SEMA3A: variants seen among roughly 807,000 people sequenced by gnomAD.
SEMA3A encodes the protein semaphorin 3A.
In SEMA3A, 29 loss-of-function variants were observed where a neutral mutation model predicts 97.9. The observed-to-expected ratio is 0.30, with a 90% CI of 0.22 to 0.40. The LOEUF (loss-of-function observed/expected upper bound fraction) is 0.40, where lower values mean the gene tolerates loss of function less well. Among genes scored for constraint, SEMA3A ranks in the 10% least tolerant of loss-of-function variants. The pLI is 1.00. For missense variants in SEMA3A, 763 were observed against 951.3 expected, an observed-to-expected ratio of 0.80 and a Z score of 2.60; for synonymous variants, 321 against 323.7, an observed-to-expected ratio of 0.99 and a Z score of 0.09.
rs181949301 is a variant in SEMA3A at position 84,391,099 on chromosome 7, A to G, written c.-245-19199T>C. ...GTTTGTTTGCGAAGTTGAAGCTTGT[A>G]TAAATGCTGGCATGGAAACATCAGC... is the stretch of plus-strand genomic sequence containing the variant. On this transcript the variant is annotated intron_variant, in intron 1 of 3. Transcript: ENST00000424555. Among the ~76,000 whole-genome samples, 139 of 152,312 alleles carry G rather than the reference A, an allele frequency of 9.1e-4. 1 individual carries two copies. Among genetic ancestry groups the G allele is most frequent in the African/African-American group, 3.0e-3 (126 of 41,584 alleles).
intron 15 of SEMA3A, among the ~76,000 whole-genome samples, chr7:83,969,638 TAG>T (rs1208767509): frequency 6.6e-6 from 1 of 152,132 alleles, no homozygotes; most frequent in Non-Finnish European, 1.5e-5. Context: ...AAAAAGAAAA[TAG>T]AGTTTATAAC....
At chr7:84,117,181 A>ATG (rs2115968630) in intron 3 of SEMA3A, among the ~76,000 whole-genome samples, 1 of 152,296 alleles carries the variant, frequency 6.6e-6, no homozygotes, top group South Asian at 2.1e-4. Flanking sequence ...ATTTGTATGC[A>ATG]AACCATATGT....
At chr7:84,343,352 G>A (rs1338326681) in intron 2 of SEMA3A, among the ~76,000 whole-genome samples, 4 of 152,092 alleles carry the variant, frequency 2.6e-5, no homozygotes, top group Non-Finnish European at 5.9e-5. Flanking sequence ...CTACTCATAG[G>A]GTGATTATAA....
In SEMA3A at chr7:84,376,780, T is replaced by C. The variant is rs181261805; in HGVS notation, c.-245-4880A>G. ...TTAAGCATTTGTTCATATATTTTTA[T>C]GATGTTTGTGTGTCTTCTTTTGAGA... On this transcript the variant is annotated intron_variant, in intron 1 of 3. Coordinates refer to the SEMA3A transcript ENST00000424555. Among the ~76,000 whole-genome samples the C allele has an allele frequency of 7.7e-4, 117 of 151,934 alleles. 2 individuals are homozygous for C. The Middle Eastern group carries it at 0.024, about 31-fold the overall frequency.
chr7:84,392,014 A>G (rs1049912832), intron 1 of SEMA3A, among the ~76,000 whole-genome samples: 1 of 149,472 alleles, frequency 6.7e-6, no homozygotes, highest in Non-Finnish European at 1.5e-5. Context: ...TCGAGTATAA[A>G]GTAATCTTAT....
intron 3 of SEMA3A, among the ~76,000 whole-genome samples, chr7:84,243,533 C>T (rs1438228749): frequency 2.6e-5 from 4 of 152,012 alleles, no homozygotes; most frequent in Non-Finnish European, 5.9e-5. Context: ...TGATTCTTCT[C>T]TCTCTTCTTC....
intron 1 of SEMA3A, among the ~76,000 whole-genome samples, chr7:84,176,573 T>C (rs565965564): frequency 2.0e-5 from 3 of 152,094 alleles, no homozygotes; most frequent in African/African-American, 7.2e-5. Context: ...AGGATAATAG[T>C]TTAAAGGATC....
chr7:84,424,454 T>C (rs1457949818), intron 1 of SEMA3A, among the ~76,000 whole-genome samples: 1 of 121,918 alleles, frequency 8.2e-6, no homozygotes, highest in Non-Finnish European at 1.6e-5. Flanking sequence ...TATAATATAA[T>C]AATACAATTT....
intron 1 of SEMA3A, among the ~76,000 whole-genome samples, chr7:84,192,388 T>C (rs1409022408): frequency 2.6e-5 from 4 of 151,938 alleles, no homozygotes; most frequent in Admixed American, 6.6e-5. Context: ...CTTCCTGTTG[T>C]TCATTTCACA....
intron 1 of SEMA3A, among the ~76,000 whole-genome samples, chr7:84,139,621 A>G (rs1796240986): frequency 2.6e-5 from 4 of 152,096 alleles, no homozygotes; most frequent in Admixed American, 2.6e-4. Context: ...TAAGACAATG[A>G]AGACGACAAG....
chr7:84,446,210 A>G (rs899026185), intron 1 of SEMA3A, among the ~76,000 whole-genome samples: 2 of 152,222 alleles, frequency 1.3e-5, no homozygotes, highest in African/African-American at 4.8e-5. Flanking sequence ...TCAGTATTCA[A>G]ACATCTCTTG....
At chr7:84,327,050 A>T (rs1017113897) in intron 2 of SEMA3A, among the ~76,000 whole-genome samples, 3 of 152,028 alleles carry the variant, frequency 2.0e-5, no homozygotes, top group Admixed American at 2.0e-4. Flanking sequence ...ATACTTGCAA[A>T]CTAGGCACCT....
rs1245308042 is a variant in SEMA3A, at chr7:84,072,924, A to G, written c.454-12366T>C. Among the ~76,000 whole-genome samples the G allele has an allele frequency of 2.6e-5, 4 of 152,320 alleles. No individual in the cohort carries two copies. In the East Asian group the frequency reaches 5.8e-4, roughly 22 times the overall value. On this transcript the variant is annotated intron_variant, in intron 4 of 16. Coordinates refer to ENST00000265362, the MANE Select transcript of SEMA3A (RefSeq NM_006080.3). The stretch of plus-strand genomic sequence containing the variant: ...ACGAGAAAATTGAGACATTTTGCCT[A>G]TAACATCAAATCACAAAGCTAATAA...
chr7:84,434,559 A>C (rs1408569229), intron 1 of SEMA3A, among the ~76,000 whole-genome samples: 1 of 152,170 alleles, frequency 6.6e-6, no homozygotes, highest in Non-Finnish European at 1.5e-5. Flanking sequence ...GACACAACAA[A>C]AAGAAAACTA....
intron 1 of SEMA3A, among the ~76,000 whole-genome samples, chr7:84,405,037 C>A (rs183273511): frequency 3.9e-5 from 6 of 152,120 alleles, no homozygotes; most frequent in African/African-American, 1.2e-4. Context: ...CAAATTCACA[C>A]ATAACAATAC....
intron 4 of SEMA3A, among the ~76,000 whole-genome samples, chr7:84,090,793 G>C (rs150564898): frequency 2.0e-5 from 3 of 151,986 alleles, no homozygotes; most frequent in African/African-American, 7.2e-5. Flanking sequence ...TTGGCCGGGC[G>C]TGGTGGCTCA....
intron 3 of SEMA3A, among the ~76,000 whole-genome samples, chr7:84,215,826 ATAT>A (rs1251466643): frequency 8.5e-5 from 13 of 152,332 alleles, no homozygotes; most frequent in East Asian, 5.8e-4. Context: ...TCTGAAACAA[ATAT>A]TATTTTTCTA....
At chr7:84,178,186 T>A (rs1380216900) in intron 1 of SEMA3A, among the ~76,000 whole-genome samples, 1 of 152,174 alleles carries the variant, frequency 6.6e-6, no homozygotes, top group African/African-American at 2.4e-5. Context: ...ATCTTACTTG[T>A]CTTGTTCCTT....
chr7:84,385,750 C>A (rs1427572748), intron 1 of SEMA3A, among the ~76,000 whole-genome samples: 1 of 152,138 alleles, frequency 6.6e-6, no homozygotes, highest in Non-Finnish European at 1.5e-5. Context: ...GCGGTTTAAT[C>A]AATTGGAAAT....
Sources: allele counts gnomAD v4.1 joint callset (sites outside exome capture counted in the v4.1 genomes callset), GRCh38; gene constraint gnomAD v4.1.1; transcripts MANE v1.5; gene names NCBI Gene and HGNC (gene_info 2026-07-23, HGNC 2026-07-21).